The following ANAPC10 variants were observed in gnomAD, a reference collection of about 807,000 sequenced individuals.
The protein encoded by ANAPC10 is anaphase promoting complex subunit 10.
A neutral mutation model predicts 22.0 loss-of-function variants in ANAPC10; 12 were observed. The observed-to-expected ratio is 0.55, with a 90% CI of 0.35 to 0.88. The LOEUF (loss-of-function observed/expected upper bound fraction) is 0.88, where lower values mean the gene tolerates loss of function less well. Ranked by LOEUF, ANAPC10 falls within the 40% of genes least tolerant of loss-of-function variation. ANAPC10 has a pLI of 0.01. For missense variants in ANAPC10, 188 were observed against 220.9 expected (o/e 0.85, Z 0.94); for synonymous variants, 65 against 69.5 (o/e 0.94, Z 0.32).
intron 4 of ANAPC10, among the ~76,000 whole-genome samples, chr4:145,030,941 C>T (rs1425400959): frequency 1.3e-5 from 2 of 152,148 alleles, no homozygotes; most frequent in South Asian, 2.1e-4. Flanking sequence ...AGTGGATTAT[C>T]GTAAGCTTAA....
At chr4:145,019,097 G>C (rs981712312) in intron 4 of ANAPC10, among the ~76,000 whole-genome samples, 1 of 152,084 alleles carries the variant, frequency 6.6e-6, no homozygotes, top group Admixed American at 6.6e-5. Context: ...GGAACAAATG[G>C]ACTTAACAGC....
chr4:145,000,579 A>C (rs928269827), intron 4 of ANAPC10, among the ~76,000 whole-genome samples: 4 of 152,214 alleles, frequency 2.6e-5, no homozygotes, highest in African/African-American at 7.2e-5. Flanking sequence ...GAGAAATAGG[A>C]ACACTTTTAC....
At chr4:145,014,251 C>A (rs1035376056) in intron 4 of ANAPC10, among the ~76,000 whole-genome samples, 12 of 152,044 alleles carry the variant, frequency 7.9e-5, no homozygotes, top group African/African-American at 2.7e-4. Context: ...TGGTGGGGGG[C>A]ACAGTGTGAG....
At position 145,080,610 on chromosome 4, in the gene ANAPC10, T is replaced by C. The variant is rs34049540; in HGVS notation, c.206+1050A>G. Among the ~76,000 whole-genome samples, 668 of 152,198 alleles carry C rather than the reference T, an allele frequency of 4.4e-3. 3 individuals carry two copies. The highest frequency in any genetic ancestry group is 0.015 in the African/African-American group (614 of 41,518). Reference sequence around the variant, plus strand: ...ACTAAAAATACAATGCTATAGAATGTTAAAATAGATGGTATAGGCCAGGTA... The same window carrying C: ...ACTAAAAATACAATGCTATAGAATGCTAAAATAGATGGTATAGGCCAGGTA... On this transcript the variant is annotated intron_variant, in intron 3 of 4. Coordinates refer to ENST00000507656, the MANE Select transcript of ANAPC10 (RefSeq NM_001256706.2).
At chr4:145,050,996 G>A (rs1434035885) in intron 4 of ANAPC10, among the ~76,000 whole-genome samples, 2 of 152,182 alleles carry the variant, frequency 1.3e-5, no homozygotes, top group Non-Finnish European at 2.9e-5. Flanking sequence ...CAACTTCGCT[G>A]TTTGGAGCAA....
intron 4 of ANAPC10, among the ~76,000 whole-genome samples, chr4:145,050,811 A>G (rs1740994530): frequency 6.6e-6 from 1 of 152,198 alleles, no homozygotes; most frequent in Non-Finnish European, 1.5e-5. Flanking sequence ...GAGAATTAGG[A>G]CCATACTGTG....
chr4:145,078,982 T>C (rs975973044), intron 3 of ANAPC10, among the ~76,000 whole-genome samples: 1 of 152,056 alleles, frequency 6.6e-6, no homozygotes, highest in African/African-American at 2.4e-5. Flanking sequence ...TAATAAAGAC[T>C]TCATGACAAA....
chr4:145,038,821 C>CAAAAAAAAAAAAAAAAAAAAAAAAAAAA, intron 4 of ANAPC10, among the ~76,000 whole-genome samples: 1 of 19,210 alleles, frequency 5.2e-5, no homozygotes, highest in African/African-American at 5.2e-4. Flanking sequence ...GACTCTGTCT[C>CAAAAAAAAAAAAAAAAAAAAAAAAAAAA]AAAAAAAAAA....
intron 4 of ANAPC10, among the ~76,000 whole-genome samples, chr4:145,001,243 G>T (rs1028413727): frequency 3.7e-5 from 5 of 134,496 alleles, no homozygotes; most frequent in Non-Finnish European, 8.1e-5. Context: ...AGGGAGTGAG[G>T]GAGGGAGGGA....
In ANAPC10 at chr4:145,022,353, C is replaced by T. The variant is rs150501996; in HGVS notation, c.328-26750G>A. On this transcript the variant is annotated intron_variant, in intron 4 of 4. Transcript: ENST00000507656. ...TCAGCCATAAAAAGGAATGAATTAACGGCATTCGCAGCGACCTGGATGAGA... is the reference window on the plus strand; with the variant it reads ...TCAGCCATAAAAAGGAATGAATTAATGGCATTCGCAGCGACCTGGATGAGA... Among the ~76,000 whole-genome samples the T allele has an allele frequency of 4.5e-3, 692 of 152,162 alleles. 4 individuals carry two copies. Among genetic ancestry groups the T allele is most frequent in the African/African-American group, 0.015 (632 of 41,528 alleles).
chr4:145,034,453 C>A (rs1417523704), intron 4 of ANAPC10, among the ~76,000 whole-genome samples: 1 of 150,720 alleles, frequency 6.6e-6, no homozygotes, highest in Non-Finnish European at 1.5e-5. Flanking sequence ...GCTCTCCTTG[C>A]TCCTCAGCTT....
At chr4:145,035,445 C>T (rs1404667956) in intron 4 of ANAPC10, 1 of 152,198 alleles carries the variant, frequency 6.6e-6, no homozygotes. Context: ...TTTTATAGAT[C>T]ATATACATTG....
chr4:145,022,360 C>T (rs138391134), intron 4 of ANAPC10, among the ~76,000 whole-genome samples: 1,598 of 152,172 alleles, frequency 0.011, 30 homozygotes, highest in African/African-American at 0.036. Flanking sequence ...TAACGGCATT[C>T]GCAGCGACCT....
At chr4:145,003,614 T>C (rs193271381) in intron 4 of ANAPC10, among the ~76,000 whole-genome samples, 2 of 152,320 alleles carry the variant, frequency 1.3e-5, no homozygotes, top group East Asian at 3.9e-4. Context: ...CCCCCATTGC[T>C]TGTTTTTGTC....
chr4:145,055,755 G>A (rs979164549), intron 4 of ANAPC10, among the ~76,000 whole-genome samples: 1 of 152,082 alleles, frequency 6.6e-6, no homozygotes, highest in Admixed American at 6.5e-5. Flanking sequence ...AGGGCCTGGA[G>A]AAGGGGGAAA....
chr4:145,006,649 C>T (rs997060077), intron 4 of ANAPC10, among the ~76,000 whole-genome samples: 1 of 152,128 alleles, frequency 6.6e-6, no homozygotes, highest in African/African-American at 2.4e-5. Context: ...AATTTTATTT[C>T]TGTATAATTG....
At chr4:145,035,616 C>A (rs1027493374) in intron 4 of ANAPC10, among the ~76,000 whole-genome samples, 1 of 152,172 alleles carries the variant, frequency 6.6e-6, no homozygotes, top group African/African-American at 2.4e-5. Flanking sequence ...ACACTTGTCA[C>A]AAGATTGGAG....
chr4:145,042,663 A>G (rs1159932703), intron 4 of ANAPC10, among the ~76,000 whole-genome samples: 2 of 152,196 alleles, frequency 1.3e-5, no homozygotes, highest in Non-Finnish European at 2.9e-5. Flanking sequence ...ATTGAAAAAT[A>G]TAAGAACCAA....
intron 4 of ANAPC10, among the ~76,000 whole-genome samples, chr4:145,054,154 G>A (rs1039272536): frequency 2.6e-5 from 4 of 151,346 alleles, no homozygotes; most frequent in Non-Finnish European, 5.9e-5. Context: ...TGATCTGCCC[G>A]CTGCGGCCTC....
Sources: gnomAD v4.1 joint callset for allele counts (sites outside exome capture counted in the v4.1 genomes callset) on GRCh38, gnomAD v4.1.1 for gene constraint, MANE v1.5 for transcripts, NCBI Gene and HGNC (gene_info 2026-07-23, HGNC 2026-07-21) for gene names.